Variants in ADAMTSL3 observed in about 807,000 individuals in gnomAD.
ADAMTSL3 encodes the protein ADAMTS like 3.
ADAMTSL3 carries 128 observed loss-of-function variants against 201.7 expected under a neutral mutation model. The observed-to-expected ratio is 0.63, with a 90% CI of 0.55 to 0.73. The LOEUF (loss-of-function observed/expected upper bound fraction) is 0.73. Among genes scored for constraint, ADAMTSL3 ranks in the 30% least tolerant of loss-of-function variants. The probability of loss-of-function intolerance (pLI) is 0.00; values close to 1 mark genes in which losing one functional copy is unlikely to be tolerated. For synonymous variants in ADAMTSL3, 738 were observed against 748.4 expected (o/e 0.99, Z 0.23); for missense variants, 1,990 against 2,119.6 (o/e 0.94, Z 1.20).
At chr15:83,806,082 G>T (rs1301722907) in intron 5 of ADAMTSL3, among the ~76,000 whole-genome samples, 2 of 152,178 alleles carry the variant, frequency 1.3e-5, no homozygotes, top group Admixed American at 1.3e-4. Context: ...CTTGAAACTG[G>T]AGCCACTGCT....
intron 2 of ADAMTSL3, among the ~76,000 whole-genome samples, chr15:83,674,766 C>CATACATATATATAT (rs760271207): frequency 4.4e-5 from 3 of 68,944 alleles, no homozygotes; most frequent in Non-Finnish European, 8.5e-5. Context: ...CACATATATA[C>CATACATATATATAT]ATATATATAT....
chr15:83,716,385 C>G (rs2062019052), intron 3 of ADAMTSL3, among the ~76,000 whole-genome samples: 2 of 151,592 alleles, frequency 1.3e-5, no homozygotes, highest in South Asian at 4.2e-4. Context: ...GGCATGGCGG[C>G]AGGCGCCTGT....
At chr15:83,833,682 T>C (rs1183881014) in intron 6 of ADAMTSL3, among the ~76,000 whole-genome samples, 1 of 152,210 alleles carries the variant, frequency 6.6e-6, no homozygotes, top group African/African-American at 2.4e-5. Flanking sequence ...AAATGAGATA[T>C]AATTCGGTAA....
intron 4 of ADAMTSL3, among the ~76,000 whole-genome samples, chr15:83,783,837 C>CTGTGTG (rs59071955): frequency 0.22 from 33,023 of 148,548 alleles, 3,969 homozygotes; most frequent in South Asian, 0.56. Flanking sequence ...CATATATACT[C>CTGTGTG]TGTGTGTGTG....
Position 83,845,041 on chromosome 15 carries a change from G to A in ADAMTSL3, c.727+6826G>A, listed in dbSNP as rs564421246. Among the ~76,000 whole-genome samples the A allele has an allele frequency of 1.8e-4, 28 of 152,274 alleles. No individual in the cohort carries two copies. In the South Asian group the frequency reaches 4.8e-3, roughly 26 times the overall value. On this transcript the variant is annotated intron_variant, in intron 7 of 29. Transcript: ENST00000286744. ...CAGAATGTCAGGTGCCCATTCCCCC[G>A]ATGGGCCTTTGCACCGACCCATCCC...
In ADAMTSL3 at chr15:83,858,784, C is replaced by T. The variant is rs1476525614; in HGVS notation, c.746C>T (p.Ala249Val). 6 of 1,613,552 alleles carry T rather than the reference C, an allele frequency of 3.7e-6. No individual in the cohort carries two copies. Among genetic ancestry groups the T allele is most frequent in the African/African-American group, 2.7e-5 (2 of 74,882 alleles). ...SPEKREENVI[A>V]VPLGSRSVRI... Reference sequence around the variant, plus strand: ...TTCCCAGGAGAAGAAAATGTAATTGCTGTTCCTTTGGGAAGTCGAAGTGTG... The same window carrying T: ...TTCCCAGGAGAAGAAAATGTAATTGTTGTTCCTTTGGGAAGTCGAAGTGTG... The change falls in exon 8 of 30, where the codon GCT becomes GTT. Residue 249 changes from alanine (A) to valine (V), a missense_variant. Physicochemically the swap from Ala to Val is moderately conservative, Grantham distance 64. Transcript: ENST00000286744.
chr15:83,696,372 G>C (rs933636676), intron 2 of ADAMTSL3, among the ~76,000 whole-genome samples: 19 of 152,172 alleles, frequency 1.2e-4, no homozygotes, highest in African/African-American at 4.6e-4. Flanking sequence ...GAGTCACCAC[G>C]CCCTGCTTTG....
intron 17 of ADAMTSL3, among the ~76,000 whole-genome samples, chr15:83,936,093 T>C (rs1440603320): frequency 1.3e-5 from 2 of 152,068 alleles, no homozygotes; most frequent in South Asian, 2.1e-4. Flanking sequence ...TGTAAAGATA[T>C]TTAATCTAAA....
In ADAMTSL3 at chr15:83,661,465, A is replaced by T. The variant is rs373785533; in HGVS notation, c.69+5635A>T. Among the ~76,000 whole-genome samples, 352 of 151,974 alleles carry T rather than the reference A, an allele frequency of 2.3e-3. 10 individuals are homozygous for T. The East Asian group carries it at 0.054, about 23-fold the overall frequency. On this transcript the variant is annotated intron_variant, in intron 2 of 29. Coordinates refer to ENST00000286744, the MANE Select transcript of ADAMTSL3 (RefSeq NM_207517.3). ...TATCCTCTTTTATTTCCTTGAGCAG[A>T]GGTTTGTAGTTCTCCTTGAAGAGGT...
chr15:83,684,436 G>T (rs144838474), intron 2 of ADAMTSL3, among the ~76,000 whole-genome samples: 1 of 152,150 alleles, frequency 6.6e-6, no homozygotes, highest in African/African-American at 2.4e-5. Context: ...AAATGGCTAG[G>T]ACTTGAAGTT....
intron 7 of ADAMTSL3, among the ~76,000 whole-genome samples, chr15:83,853,279 AT>A (rs1331973176): frequency 6.6e-6 from 1 of 152,092 alleles, no homozygotes; most frequent in Non-Finnish European, 1.5e-5. Context: ...AAATCTAATA[AT>A]TTTTTAATAT....
At chr15:83,896,202 GGTC>G (rs2065611017) in intron 13 of ADAMTSL3, among the ~76,000 whole-genome samples, 1 of 150,752 alleles carries the variant, frequency 6.6e-6, no homozygotes, top group South Asian at 2.1e-4. Flanking sequence ...CCCGGAAGTG[GGTC>G]GGGAGGATTC....
intron 15 of ADAMTSL3, among the ~76,000 whole-genome samples, chr15:83,903,083 AT>A (rs1047830142): frequency 1.1e-4 from 17 of 152,096 alleles, no homozygotes; most frequent in South Asian, 4.2e-4. Context: ...TCTTTAAAAA[AT>A]AATCAAAATA....
At chr15:83,927,088 C>T (rs2066260398) in intron 17 of ADAMTSL3, among the ~76,000 whole-genome samples, 1 of 151,846 alleles carries the variant, frequency 6.6e-6, no homozygotes, top group African/African-American at 2.4e-5. Flanking sequence ...TTTAAGAGTT[C>T]TACAATCCAT....
intron 8 of ADAMTSL3, among the ~76,000 whole-genome samples, chr15:83,868,717 G>A (rs1025439246): frequency 1.3e-5 from 2 of 152,184 alleles, no homozygotes; most frequent in Non-Finnish European, 2.9e-5. Flanking sequence ...TTTACAATAA[G>A]CGTACCATTT....
intron 5 of ADAMTSL3, 55 bp downstream of exon 5, chr15:83,804,750 T>G: frequency 7.3e-7 from 1 of 1,370,790 alleles, no homozygotes; most frequent in Non-Finnish European, 1.0e-6. Flanking sequence ...TGTTTTAAGT[T>G]ACAATATTCC....
At chr15:83,847,277 C>G (rs909601435) in intron 7 of ADAMTSL3, among the ~76,000 whole-genome samples, 1 of 152,196 alleles carries the variant, frequency 6.6e-6, no homozygotes, top group Admixed American at 6.5e-5. Flanking sequence ...CTTTTGCTTA[C>G]TGGCATACTG....
intron 19 of ADAMTSL3, among the ~76,000 whole-genome samples, chr15:83,954,523 G>C (rs2052683168): frequency 6.6e-6 from 1 of 152,270 alleles, no homozygotes; most frequent in Non-Finnish European, 1.5e-5. Context: ...ATTGGTCCCT[G>C]GTGCCTGATG....
At chr15:83,759,535 T>G (rs1214640262) in intron 3 of ADAMTSL3, among the ~76,000 whole-genome samples, 1 of 152,228 alleles carries the variant, frequency 6.6e-6, no homozygotes, top group Non-Finnish European at 1.5e-5. Context: ...AGCAGTATTT[T>G]TTTAAATCAA....
Sources: allele counts gnomAD v4.1 joint callset (sites outside exome capture counted in the v4.1 genomes callset), GRCh38; gene constraint gnomAD v4.1.1; transcripts MANE v1.5; gene names NCBI Gene and HGNC (gene_info 2026-07-23, HGNC 2026-07-21).